TRPM2: variants seen among roughly 807,000 people sequenced by gnomAD.
The protein encoded by TRPM2 is transient receptor potential cation channel subfamily M member 2, also known as estrogen-responsive element-associated gene 1 protein.
In TRPM2, 161 loss-of-function variants were observed where a neutral mutation model predicts 174.0. That is an observed-to-expected ratio of 0.93 (90% CI 0.81 to 1.05). The LOEUF (loss-of-function observed/expected upper bound fraction) is 1.05, where lower values mean the gene tolerates loss of function less well. Ranked by LOEUF, TRPM2 falls within the 50% of genes least tolerant of loss-of-function variation. The probability of loss-of-function intolerance (pLI) is 0.00; values close to 1 mark genes in which losing one functional copy is unlikely to be tolerated. For missense variants in TRPM2, 2,057 were observed against 2,038.0 expected, an observed-to-expected ratio of 1.01 and a Z score of -0.18; for synonymous variants, 954 against 861.3, an observed-to-expected ratio of 1.11 and a Z score of -1.88.
chr21:44,441,585 A>C, intron 31 of TRPM2, 107 bp from the exon 32 acceptor site: 2 of 1,389,340 alleles, frequency 1.4e-6, no homozygotes, highest in Non-Finnish European at 1.9e-6. Context: ...CAGAGGAGTA[A>C]AGGGAGGGTG....
chr21:44,413,469 C>T (rs2050173130), intron 19 of TRPM2, among the ~76,000 whole-genome samples: 2 of 152,168 alleles, frequency 1.3e-5, no homozygotes, highest in African/African-American at 4.8e-5. Context: ...TCTCAAACTC[C>T]TGACCTCAGG....
At position 44,353,784 on chromosome 21, in the gene TRPM2, GA is replaced by G; in HGVS notation, c.85del (p.Met29TrpfsTer107). On this transcript the variant is annotated frameshift_variant, in exon 1 of 32. Transcript: ENST00000397928. LOFTEE classifies it high-confidence loss of function. The part of the protein sequence containing the change: ...GLPRRVTDLG[M>X]VSNLRRSNSS... ...TGCCCAGAAGGGTCACTGACCTGGG[GA>G]TGGTCTCCAATCTCCGGCGCAGCAA... The G allele has an allele frequency of 6.2e-7, 1 of 1,604,262 alleles. No homozygotes were observed. The highest frequency in any genetic ancestry group is 8.5e-7 in the Non-Finnish European group (1 of 1,176,026).
Position 44,406,597 on chromosome 21 carries a change from A to C in TRPM2, c.2794A>C (p.Lys932Gln). 6.2e-7 allele frequency: 1 copy of C among 1,608,812 alleles called. No homozygotes were observed. Among genetic ancestry groups the C allele is most frequent in the Middle Eastern group, 1.8e-4 (1 of 5,572 alleles). Reference sequence around the variant, plus strand: ...CCACACACTCTCTGTCCTGCAGATGAAGGACGTCTTCTTCTTCCTCTTCCT... The same window carrying C: ...CCACACACTCTCTGTCCTGCAGATGCAGGACGTCTTCTTCTTCCTCTTCCT... The part of the protein sequence containing the change: ...PKIIIVKRMM[K>Q]DVFFFLFLLA... The change falls in exon 19 of 32, where the codon AAG becomes CAG. Residue 932 changes from lysine to glutamine, a missense_variant. Coordinates refer to ENST00000397928, the MANE Select transcript of TRPM2 (RefSeq NM_003307.4).
intron 27 of TRPM2, among the ~76,000 whole-genome samples, chr21:44,428,180 A>G (rs984283390): frequency 6.6e-6 from 1 of 152,182 alleles, no homozygotes; most frequent in African/African-American, 2.4e-5. Context: ...TTCTCTTTCT[A>G]TGAAATTATA....
chr21:44,395,414 G>T lies in TRPM2; in HGVS notation c.1795G>T (p.Val599Leu). 1.9e-6 allele frequency: 3 copies of T among 1,612,566 alleles called. No individual in the cohort carries two copies. The highest frequency in any genetic ancestry group is 2.5e-6 in the Non-Finnish European group (3 of 1,179,880). ...GCTCTGACAGTTCACTGCTCACCAG[G>T]TGCAGGGAGTGAGCCTCCGGTCCCT... ...LLPVPHVKLN[V>L]QGVSLRSLYK... The change falls in exon 12 of 32, where the codon GTG becomes TTG. Residue 599 changes from valine to leucine, a missense_variant and splice_region_variant. By Grantham distance (32) the Val-to-Leu change is conservative. Coordinates refer to ENST00000397928, the MANE Select transcript of TRPM2 (RefSeq NM_003307.4).
intron 8 of TRPM2, 55 bp downstream of exon 8, chr21:44,379,252 G>T (rs1379927567): frequency 1.9e-6 from 3 of 1,582,600 alleles, no homozygotes; most frequent in Non-Finnish European, 2.6e-6. Context: ...CAGAGACACT[G>T]TCAGCCTGGT....
At chr21:44,382,658 C>A in intron 8 of TRPM2, 60 bp from the exon 9 acceptor site, 1 of 1,544,488 alleles carries the variant, frequency 6.5e-7, no homozygotes, top group South Asian at 1.2e-5. Context: ...TCTATGTGTC[C>A]TGGAGGAGGC....
chr21:44,401,141 C>T (rs111861056), intron 15 of TRPM2, among the ~76,000 whole-genome samples: 74 of 152,244 alleles, frequency 4.9e-4, no homozygotes, highest in African/African-American at 1.6e-3. Context: ...CCTGCTCTCC[C>T]GAGGATGGCA....
Position 44,378,978 on chromosome 21 carries a change from ACCC to A in TRPM2, c.1015-16_1015-14del. On this transcript the variant is annotated splice_polypyrimidine_tract_variant and intron_variant, in intron 7 of 31. Transcript: ENST00000397928. ...GGTGAGGACCCAGTCCCGGGCTCAC[ACCC>A]CCACCTGCCTTGCAGACCATCGACA... is the stretch of plus-strand genomic sequence containing the variant. The A allele has an allele frequency of 6.3e-7, 1 of 1,598,836 alleles. No homozygotes were observed. Among genetic ancestry groups the A allele is most frequent in the Non-Finnish European group, 8.5e-7 (1 of 1,177,790 alleles).
chr21:44,374,067 GTGGTGCGATCT>G (rs1381681896), intron 5 of TRPM2, among the ~76,000 whole-genome samples: 2 of 151,458 alleles, frequency 1.3e-5, no homozygotes, highest in Non-Finnish European at 2.9e-5. Flanking sequence ...CTGGAGTGCA[GTGGTGCGATCT>G]TGGCTCACTG....
intron 1 of TRPM2, 93 bp downstream of exon 1, chr21:44,353,958 G>T: frequency 6.8e-7 from 1 of 1,466,076 alleles, no homozygotes. Context: ...GACGGGGGTG[G>T]GAAAGGGTCT....
chr21:44,409,975 A>G (rs1268668603), intron 19 of TRPM2, among the ~76,000 whole-genome samples: 5 of 135,664 alleles, frequency 3.7e-5, no homozygotes, highest in African/African-American at 1.4e-4. Context: ...TTTTGACCTC[A>G]CTCTCTTGGT....
intron 5 of TRPM2, among the ~76,000 whole-genome samples, chr21:44,371,110 C>CG (rs1391763353): frequency 5.9e-5 from 9 of 152,230 alleles, no homozygotes; most frequent in Non-Finnish European, 1.3e-4. Context: ...TCGGTGTTGG[C>CG]GGGGCCACCT....
At chr21:44,359,841 G>A (rs144806736) in intron 2 of TRPM2, among the ~76,000 whole-genome samples, 1,563 of 151,652 alleles carry the variant, frequency 0.01, 26 homozygotes, top group Admixed American at 0.038. Flanking sequence ...TCCACCTCCC[G>A]GGCTCAAGCG....
In TRPM2 at chr21:44,406,307, G is replaced by A. The variant is rs535714875; in HGVS notation, c.2790+270G>A. Among the ~76,000 whole-genome samples the A allele has an allele frequency of 4.0e-5, 6 of 149,220 alleles. No homozygotes were observed. In the South Asian group the frequency reaches 6.2e-4, roughly 15 times the overall value. ...TCTAGGAGCTTTCCTCCTTGGTCAC[G>A]GTTATGTCTGACCGCACTCATTCCT... On this transcript the variant is annotated intron_variant, in intron 18 of 31. Coordinates refer to ENST00000397928, the MANE Select transcript of TRPM2 (RefSeq NM_003307.4).
At chr21:44,427,808 G>A (rs1369990321) in intron 27 of TRPM2, among the ~76,000 whole-genome samples, 1 of 152,170 alleles carries the variant, frequency 6.6e-6, no homozygotes, top group African/African-American at 2.4e-5. Context: ...TGGAGCCGGA[G>A]GTTGAGTAAG....
In TRPM2 at chr21:44,388,650, CAAAAA is replaced by C. The variant is rs60322957; in HGVS notation, c.1319-2237_1319-2233del. ...GGCAACATGGAGAACCCTGTCACTACAAAAAAAAAAAAAAAAAAAAACTAGTCAGG... is the reference window on the plus strand; with the variant it reads ...GGCAACATGGAGAACCCTGTCACTACAAAAAAAAAAAAAAAACTAGTCAGG... On this transcript the variant is annotated intron_variant, in intron 9 of 31. Transcript: ENST00000397928. Among the ~76,000 whole-genome samples, 505 of 83,006 alleles carry C rather than the reference CAAAAA, an allele frequency of 6.1e-3. 2 individuals are homozygous for C. Among genetic ancestry groups the C allele is most frequent in the African/African-American group, 0.018 (462 of 25,650 alleles). 54.5% of individuals were successfully genotyped at this position (83,006 alleles called of 152,430 possible). A position where few individuals can be genotyped will look rare whatever the true frequency, so the allele number is the denominator to read the frequency against.
At position 44,441,812 on chromosome 21, in the gene TRPM2, T is replaced by A; in HGVS notation, c.4507T>A (p.Tyr1503Asn). The A allele has an allele frequency of 6.2e-7, 1 of 1,604,274 alleles. No individual in the cohort carries two copies. The part of the protein sequence containing the change: ...QKAAAEFGAH[Y>N] ...GGCAGCCGCTGAGTTCGGGGCTCAC[T>A]ACTGACTGTGCCCTCAGGCTGGGCG... Residue 1503 changes from tyrosine (Y) to asparagine (N), a missense_variant, in exon 32 of 32, where the codon TAC (tyrosine) becomes AAC (asparagine). By Grantham distance (143) the Tyr-to-Asn change is moderately radical. Transcript: ENST00000397928.
Position 44,375,873 on chromosome 21 carries a change from A to G in TRPM2, c.812A>G (p.Gln271Arg). 1 of 1,614,032 alleles carries G rather than the reference A, an allele frequency of 6.2e-7. No homozygotes were observed. The highest frequency in any genetic ancestry group is 8.5e-7 in the Non-Finnish European group (1 of 1,179,988). Reference sequence around the variant, plus strand: ...GAGTACATACTGGATGAGGATGGCCAAGGGAACCTGACCTGCCTAGACAGC... The same window carrying G: ...GAGTACATACTGGATGAGGATGGCCGAGGGAACCTGACCTGCCTAGACAGC... Reference protein sequence around the residue: ...PAEYILDEDGQGNLTCLDSNH... With the variant: ...PAEYILDEDGRGNLTCLDSNH... Residue 271 changes from glutamine to arginine, a missense_variant, in exon 6 of 32, where the codon CAA becomes CGA. Gln to Arg is a conservative substitution (Grantham distance 43). Coordinates refer to ENST00000397928, the MANE Select transcript of TRPM2 (RefSeq NM_003307.4).
Sources: gnomAD v4.1 joint callset for allele counts (sites outside exome capture counted in the v4.1 genomes callset) on GRCh38, gnomAD v4.1.1 for gene constraint, MANE v1.5 for transcripts, NCBI Gene and HGNC (gene_info 2026-07-23, HGNC 2026-07-21) for gene names.